The following ZNF570 variants were observed in gnomAD, a reference collection of about 807,000 sequenced individuals.
ZNF570 encodes the protein zinc finger protein 570.
ZNF570 carries 8 observed loss-of-function variants against 14.2 expected under a neutral mutation model. That is an observed-to-expected ratio of 0.56 (90% CI 0.33 to 1.02). The LOEUF is 1.02. Among genes scored for constraint, ZNF570 ranks in the 50% least tolerant of loss-of-function variants. The pLI, the probability that ZNF570 is intolerant of heterozygous loss-of-function variation, is 0.03. For missense variants in ZNF570, 559 were observed against 624.9 expected (o/e 0.89, Z 1.12); for synonymous variants, 202 against 207.6 (o/e 0.97, Z 0.23).
Position 37,488,414 on chromosome 19 carries a change from A to G in ZNF570, c.*3181A>G, listed in dbSNP as rs1298770441. On this transcript the variant is annotated 3_prime_UTR_variant, in exon 5 of 5. Transcript: ENST00000330173. Reference sequence around the variant, plus strand: ...AAAAAGGATCTAAAAGAATTAATAAAATAATCATCAGATTCAGAACAGTGG... The same window carrying G: ...AAAAAGGATCTAAAAGAATTAATAAGATAATCATCAGATTCAGAACAGTGG... The G allele has an allele frequency of 6.6e-6, 1 of 152,238 alleles. No homozygotes were observed. The highest frequency in any genetic ancestry group is 1.5e-5 in the Non-Finnish European group (1 of 68,038). 9.4% of individuals were successfully genotyped at this position (152,238 alleles called of 1,614,324 possible).
chr19:37,485,486 C>T lies in ZNF570; in HGVS notation c.*253C>T. ...ACAGTGGGACGATCTCAGCTCACTG[C>T]AACCTCTGACTCCCAGCCTCTGCCT... is the stretch of plus-strand genomic sequence containing the variant. On this transcript the variant is annotated 3_prime_UTR_variant, in exon 5 of 5. Coordinates refer to ENST00000330173, the MANE Select transcript of ZNF570 (RefSeq NM_144694.5). The T allele has an allele frequency of 2.9e-6, 1 of 350,638 alleles. No individual in the cohort carries two copies. The highest frequency in any genetic ancestry group is 5.1e-6 in the Non-Finnish European group (1 of 196,040). The allele number at this position is 350,638 out of a possible 1,614,324, so 21.7% of individuals were successfully genotyped here. A position where few individuals can be genotyped will look rare whatever the true frequency, so the allele number is the denominator to read the frequency against.
intron 2 of ZNF570, among the ~76,000 whole-genome samples, chr19:37,471,677 A>T (rs945481861): frequency 3.3e-5 from 5 of 152,194 alleles, no homozygotes; most frequent in Non-Finnish European, 5.9e-5. Context: ...AAATGCAAAC[A>T]TCTTACAAAT....
chr19:37,474,600 T>C (rs1388667970), intron 2 of ZNF570, among the ~76,000 whole-genome samples: 1 of 151,800 alleles, frequency 6.6e-6, no homozygotes, highest in Non-Finnish European at 1.5e-5. Context: ...CCGGGGATTA[T>C]AGGTGCGCAC....
rs374778486 is a variant in ZNF570, at chr19:37,484,741, T to C, written c.1119T>C (p.Leu373=). Residue 373 remains leucine (L), a synonymous_variant, in exon 5 of 5, where the codon CTT becomes CTC. Transcript: ENST00000330173. Reference sequence around the variant, plus strand: ...AAGCATTTAGCCTTCGTGCATACCTTACTGTACATCAGAGAATACATACTG... The same window carrying C: ...AAGCATTTAGCCTTCGTGCATACCTCACTGTACATCAGAGAATACATACTG... ...CGKAFSLRAY[L]TVHQRIHTGE... 5 of 1,614,136 alleles carry C rather than the reference T, an allele frequency of 3.1e-6. No individual in the cohort carries two copies. The Admixed American group carries it at 8.3e-5, about 27-fold the overall frequency.
Position 37,484,567 on chromosome 19 carries a change from C to G in ZNF570, c.945C>G (p.Ala315=), listed in dbSNP as rs778585701. The stretch of plus-strand genomic sequence containing the variant: ...GTCGAAAAGCCTTCAGCCAGTTTGC[C>G]TACCTTGCTCAACATCAGAGAGTTC... ...KVCRKAFSQF[A]YLAQHQRVHT... The change falls in exon 5 of 5, where the codon GCC becomes GCG. Residue 315 remains alanine (A), a synonymous_variant. Transcript: ENST00000330173. 6.2e-7 allele frequency: 1 copy of G among 1,614,082 alleles called. No homozygotes were observed. Among genetic ancestry groups the G allele is most frequent in the South Asian group, 1.1e-5 (1 of 91,076 alleles).
intron 4 of ZNF570, among the ~76,000 whole-genome samples, chr19:37,482,874 C>A (rs960185593): frequency 6.7e-6 from 1 of 149,500 alleles, no homozygotes; most frequent in Admixed American, 6.7e-5. Context: ...CCCCTCCCCC[C>A]CTTTCTCCCT....
chr19:37,483,849 G>C, intron 4 of ZNF570, 30 bp from the exon 5 acceptor site: 1 of 1,553,102 alleles, frequency 6.4e-7, no homozygotes, highest in Non-Finnish European at 8.6e-7. Flanking sequence ...CTCAATAGAG[G>C]AGACATTTTT....
Position 37,484,202 on chromosome 19 carries a change from A to C in ZNF570, c.580A>C (p.Thr194Pro), listed in dbSNP as rs750150222. 1 of 1,614,028 alleles carries C rather than the reference A, an allele frequency of 6.2e-7. No homozygotes were observed. The highest frequency in any genetic ancestry group is 1.1e-5 in the South Asian group (1 of 91,074). ...PKEEKVHKHD[T>P]QKRSFKKNLM... ...AGAGGAGAAAGTACATAAACATGACACACAAAAGAGAAGCTTTAAAAAAAA... is the reference window on the plus strand; with the variant it reads ...AGAGGAGAAAGTACATAAACATGACCCACAAAAGAGAAGCTTTAAAAAAAA... Residue 194 changes from threonine to proline, a missense_variant, in exon 5 of 5, where the codon ACA (threonine) becomes CCA (proline). Thr to Pro is a conservative substitution (Grantham distance 38, BLOSUM62 -1). Coordinates refer to ENST00000330173, the MANE Select transcript of ZNF570 (RefSeq NM_144694.5).
Position 37,483,911 on chromosome 19 carries a change from A to AC in ZNF570, c.293dup (p.Gln100AlafsTer5). ...GCCTATATGTGAGACTGAAGAATTA[A>AC]CCCCAAAGCAGGATTTTTATGAAGA... On this transcript the variant is annotated frameshift_variant, in exon 5 of 5. Transcript: ENST00000330173. LOFTEE classifies it low-confidence loss of function (END_TRUNC). The AC allele has an allele frequency of 6.2e-7, 1 of 1,611,758 alleles. No homozygotes were observed. Among genetic ancestry groups the AC allele is most frequent in the Non-Finnish European group, 8.5e-7 (1 of 1,179,178 alleles).
intron 4 of ZNF570, among the ~76,000 whole-genome samples, chr19:37,483,608 G>T (rs142483404): frequency 1.9e-4 from 29 of 152,202 alleles, no homozygotes; most frequent in African/African-American, 6.7e-4. Context: ...TATGAATACA[G>T]GCATAAAATT....
chr19:37,482,128 G>T (rs1356590964), intron 4 of ZNF570, among the ~76,000 whole-genome samples: 6 of 152,144 alleles, frequency 3.9e-5, no homozygotes, highest in African/African-American at 1.4e-4. Context: ...GTTTAAGGCT[G>T]AATAATCTAT....
rs1044413719 is a variant in ZNF570, at chr19:37,484,104, G to A, written c.482G>A (p.Arg161Lys). 1 of 1,613,924 alleles carries A rather than the reference G, an allele frequency of 6.2e-7. No individual in the cohort carries two copies. The highest frequency in any genetic ancestry group is 2.2e-5 in the East Asian group (1 of 44,884). The stretch of plus-strand genomic sequence containing the variant: ...CATGAAGAACCCCTTTTTGATGAGA[G>A]AGAACAAGAATATAAATCTTGGGGA... ...ITHEEPLFDEREQEYKSWGSF... is the reference protein window; with the variant it reads ...ITHEEPLFDEKEQEYKSWGSF... The change falls in exon 5 of 5, where the codon AGA (arginine) becomes AAA (lysine). Residue 161 changes from arginine to lysine, a missense_variant. Physicochemically the swap from Arg to Lys is conservative, Grantham distance 26. Coordinates refer to ENST00000330173, the MANE Select transcript of ZNF570 (RefSeq NM_144694.5).
At chr19:37,482,173 G>T (rs992911913) in intron 4 of ZNF570, among the ~76,000 whole-genome samples, 1 of 152,116 alleles carries the variant, frequency 6.6e-6, no homozygotes, top group Non-Finnish European at 1.5e-5. Context: ...GTGATTTCAT[G>T]GAATAGCAAC....
At chr19:37,480,258 G>T (rs1033676480) in intron 4 of ZNF570, among the ~76,000 whole-genome samples, 1 of 152,198 alleles carries the variant, frequency 6.6e-6, no homozygotes, top group Non-Finnish European at 1.5e-5. Flanking sequence ...GGCCGAGGCG[G>T]GTGGATCACG....
intron 2 of ZNF570, among the ~76,000 whole-genome samples, chr19:37,473,083 T>C (rs867551118): frequency 1.3e-5 from 2 of 152,024 alleles, no homozygotes; most frequent in African/African-American, 2.4e-5. Context: ...TCAGAGAAAA[T>C]AAGATTATCA....
chr19:37,469,014 C>T (rs2076458986), upstream of ZNF570: 13 of 981,072 alleles, frequency 1.3e-5, no homozygotes, highest in Middle Eastern at 5.2e-4. Flanking sequence ...ATTCTCAACT[C>T]CCCGCCCTGG....
In ZNF570 at chr19:37,469,442, C is replaced by G. The variant is rs1278652302; in HGVS notation, c.-167C>G. On this transcript the variant is annotated 5_prime_UTR_variant, in exon 1 of 5. Transcript: ENST00000330173. ...GTGCAGATTCCCCGAGCCTTCGGGG[C>G]AGGAAGGAGATCTTCCACCAGTTCT... 3 of 1,535,092 alleles carry G rather than the reference C, an allele frequency of 2.0e-6. No homozygotes were observed. In the African/African-American group the frequency reaches 4.1e-5, roughly 21 times the overall value.
intron 4 of ZNF570, among the ~76,000 whole-genome samples, chr19:37,480,420 G>T (rs754632350): frequency 3.0e-4 from 45 of 152,196 alleles, no homozygotes; most frequent in Middle Eastern, 3.4e-3. Flanking sequence ...GGAGGTGGAG[G>T]TTGCAGTGAA....
chr19:37,468,241 C>A (rs578192335), upstream of ZNF570, among the ~76,000 whole-genome samples: 1 of 152,026 alleles, frequency 6.6e-6, no homozygotes, highest in African/African-American at 2.4e-5. Context: ...AAGGGACACT[C>A]CGCCCGGCTG....
Sources: allele counts gnomAD v4.1 joint callset (sites outside exome capture counted in the v4.1 genomes callset), GRCh38; gene constraint gnomAD v4.1.1; transcripts MANE v1.5; gene names NCBI Gene and HGNC (gene_info 2026-07-23, HGNC 2026-07-21).